The following DRD4 variants were observed in gnomAD, a reference collection of about 807,000 sequenced individuals.
DRD4 encodes D(4) dopamine receptor.
A neutral mutation model predicts 22.1 loss-of-function variants in DRD4; 26 were observed. That is an observed-to-expected ratio of 1.17 (90% CI 0.86 to 1.63). DRD4 has a LOEUF of 1.63. Ranked by LOEUF, DRD4 falls within the 40% of genes most tolerant of loss-of-function variation. The pLI is 0.00. For missense variants in DRD4, 913 were observed against 632.4 expected, an observed-to-expected ratio of 1.44 and a Z score of -4.76; for synonymous variants, 455 against 306.7, an observed-to-expected ratio of 1.48 and a Z score of -5.05.
At chr11:638,368 A>G (rs1242873155) in intron 1 of DRD4, among the ~76,000 whole-genome samples, 2 of 152,176 alleles carry the variant, frequency 1.3e-5, no homozygotes, top group Non-Finnish European at 2.9e-5. Context: ...AGAGACCAGC[A>G]GCACGGGACA....
At position 639,482 on chromosome 11, in the gene DRD4, T is replaced by TG; in HGVS notation, c.337dup (p.Ala113GlyfsTer337). On this transcript the variant is annotated frameshift_variant, in exon 2 of 4. Coordinates refer to ENST00000176183, the MANE Select transcript of DRD4 (RefSeq NM_000797.4). LOFTEE classifies it high-confidence loss of function. ...AGCCCCCGCCTGTGCGACGCCCTCA[T>TG]GGCCATGGACGTCATGCTGTGCACC... The TG allele has an allele frequency of 6.2e-7, 1 of 1,603,584 alleles. No homozygotes were observed. Among genetic ancestry groups the TG allele is most frequent in the Admixed American group, 1.7e-5 (1 of 59,934 alleles).
Position 640,601 on chromosome 11 carries a change from T to C in DRD4, c.1258T>C (p.Ter420ArgextTer?), listed in dbSNP as rs776995219. The C allele has an allele frequency of 4.4e-6, 7 of 1,599,128 alleles. No individual in the cohort carries two copies. In the African/African-American group the frequency reaches 6.7e-5, roughly 15 times the overall value. Residue 420 changes from the stop codon to arginine (R), a stop_lost, in exon 4 of 4, where the codon TGA (stop) becomes CGA (arginine). Transcript: ENST00000176183. ...VFRKALRACC* is the reference protein window; with the variant it reads ...VFRKALRACCR ...CCGCAAGGCCCTGCGTGCCTGCTGCTGAGCCGGGCACCCCCGGACGCCCCC... is the reference window on the plus strand; with the variant it reads ...CCGCAAGGCCCTGCGTGCCTGCTGCCGAGCCGGGCACCCCCGGACGCCCCC...
rs1858170303 is a variant in DRD4, at chr11:639,895, T to G, written c.646T>G (p.Phe216Val). The G allele has an allele frequency of 1.3e-6, 2 of 1,575,934 alleles. No homozygotes were observed. The highest frequency in any genetic ancestry group is 1.7e-6 in the Non-Finnish European group (2 of 1,169,054). Reference protein sequence around the residue: ...PLMLLLYWATFRGLQRWEVAR... With the variant: ...PLMLLLYWATVRGLQRWEVAR... ...CATGCTGCTGCTCTACTGGGCCACG[T>G]TCCGCGGCCTGCAGCGCTGGGAGGT... is the stretch of plus-strand genomic sequence containing the variant. The change falls in exon 3 of 4, where the codon TTC becomes GTC. Residue 216 changes from phenylalanine (F) to valine (V), a missense_variant. Phe to Val is a conservative substitution (Grantham distance 50). Transcript: ENST00000176183.
chr11:639,757 G>A lies in DRD4; in HGVS notation c.508G>A (p.Val170Ile), dbSNP rs375642150. ...WLLSAAVAAP[V>I]LCGLNDVRGR... is the part of the protein sequence containing the mutation. ...GCTGTCCGCGGCGGTGGCGGCGCCCGTACTGTGCGGCCTCAACGACGTGCG... is the reference window on the plus strand; with the variant it reads ...GCTGTCCGCGGCGGTGGCGGCGCCCATACTGTGCGGCCTCAACGACGTGCG... Residue 170 changes from valine (V) to isoleucine (I), a missense_variant, in exon 3 of 4, where the codon GTA becomes ATA. Physicochemically the swap from Val to Ile is conservative, Grantham distance 29. Transcript: ENST00000176183. The A allele has an allele frequency of 5.8e-6, 9 of 1,562,912 alleles. No homozygotes were observed. Among genetic ancestry groups the A allele is most frequent in the African/African-American group, 2.8e-5 (2 of 71,592 alleles).
At chr11:640,340 G>C (rs747346759) in intron 3 of DRD4, 34 bp downstream of exon 3, 5 of 1,520,704 alleles carry the variant, frequency 3.3e-6, no homozygotes, top group Non-Finnish European at 4.4e-6. Flanking sequence ...GGGAGGAGAG[G>C]AGGGGGGGGG....
chr11:637,649 C>T, intron 1 of DRD4, 60 bp downstream of exon 1: 1 of 1,534,672 alleles, frequency 6.5e-7, no homozygotes. Context: ...CGTCCCTGTC[C>T]CTACGGAGGA....
chr11:640,349 G>GA (rs746302362), intron 3 of DRD4, 43 bp downstream of exon 3: 418 of 1,506,082 alleles, frequency 2.8e-4, no homozygotes, highest in Middle Eastern at 6.8e-4. Flanking sequence ...GGAGGGGGGG[G>GA]GTACGAGGCC....
At chr11:638,273 G>C (rs1285601301) in intron 1 of DRD4, among the ~76,000 whole-genome samples, 5 of 152,218 alleles carry the variant, frequency 3.3e-5, no homozygotes, top group Non-Finnish European at 7.3e-5. Flanking sequence ...TTAGGGCTGA[G>C]CTGGAGACGC....
chr11:639,275 T>G (rs1332238075), intron 1 of DRD4, 158 bp from the exon 2 acceptor site: 3 of 675,630 alleles, frequency 4.4e-6, no homozygotes, highest in Admixed American at 4.5e-5. Flanking sequence ...GAGATCTGCG[T>G]GGGGAAGGGG....
chr11:639,852 C>T lies in DRD4; in HGVS notation c.603C>T (p.Phe201=), dbSNP rs199869206. The T allele has an allele frequency of 1.4e-4, 217 of 1,585,778 alleles. 4 individuals carry two copies. The highest frequency in any genetic ancestry group is 1.2e-3 in the East Asian group (52 of 44,104). Residue 201 remains phenylalanine, a synonymous_variant, in exon 3 of 4, where the codon TTC becomes TTT. Coordinates refer to ENST00000176183, the MANE Select transcript of DRD4 (RefSeq NM_000797.4). ...DYVVYSSVCS[F]FLPCPLMLLL... ...TGGTCTACTCGTCCGTGTGCTCCTTCTTCCTACCCTGCCCGCTCATGCTGC... is the reference window on the plus strand; with the variant it reads ...TGGTCTACTCGTCCGTGTGCTCCTTTTTCCTACCCTGCCCGCTCATGCTGC...
At chr11:637,667 C>T (rs1456735576) in intron 1 of DRD4, 78 bp downstream of exon 1, 124 of 1,531,662 alleles carry the variant, frequency 8.1e-5, no homozygotes, top group South Asian at 7.3e-4. Context: ...GGACCCGGCG[C>T]GACCCGGCCC....
chr11:637,466 C>T lies in DRD4; in HGVS notation c.162C>T (p.Leu54=), dbSNP rs535238096. The T allele has an allele frequency of 6.8e-5, 105 of 1,537,506 alleles. No individual in the cohort carries two copies. The highest frequency in any genetic ancestry group is 6.8e-4 in the East Asian group (28 of 41,080). Residue 54 remains leucine, a synonymous_variant, in exon 1 of 4, where the codon CTC becomes CTT. Transcript: ENST00000176183. The part of the protein sequence containing the change: ...LIGAVLAGNS[L]VCVSVATERA... ...GCGCGGTGCTCGCGGGGAACTCGCTCGTGTGCGTGAGCGTGGCCACCGAGC... is the reference window on the plus strand; with the variant it reads ...GCGCGGTGCTCGCGGGGAACTCGCTTGTGTGCGTGAGCGTGGCCACCGAGC...
intron 1 of DRD4, 172 bp from the exon 2 acceptor site, chr11:639,261 A>G: frequency 1.6e-6 from 1 of 644,936 alleles, no homozygotes; most frequent in African/African-American, 1.8e-5. Context: ...ACTCAAAACA[A>G]AGGGAGATCT....
Position 640,138 on chromosome 11 carries a change from C to A in DRD4, c.889C>A (p.Pro297Thr). ...CCCCTGCGGCCCCGACTGTGCGCCCCCCGCGCCCGGCCTCCCCCCGGACCC... is the reference window on the plus strand; with the variant it reads ...CCCCTGCGGCCCCGACTGTGCGCCCACCGCGCCCGGCCTCCCCCCGGACCC... Reference protein sequence around the residue: ...QDPCGPDCAPPAPGLPPDPCG... With the variant: ...QDPCGPDCAPTAPGLPPDPCG... The change falls in exon 3 of 4, where the codon CCC (proline) becomes ACC (threonine). Residue 297 changes from proline (P) to threonine (T), a missense_variant. By Grantham distance (38) the Pro-to-Thr change is conservative. Transcript: ENST00000176183. 1 of 1,442,728 alleles carries A rather than the reference C, an allele frequency of 6.9e-7. No homozygotes were observed. The highest frequency in any genetic ancestry group is 9.1e-7 in the Non-Finnish European group (1 of 1,094,350). The allele number at this position is 1,442,728 out of a possible 1,614,324, so 89.4% of individuals were successfully genotyped here.
chr11:639,614 G>T (rs1858156699), intron 2 of DRD4, 34 bp from the exon 3 acceptor site: 3 of 1,383,600 alleles, frequency 2.2e-6, no homozygotes, highest in East Asian at 3.4e-5. Flanking sequence ...CGCGGCCTGT[G>T]CGCTGTCCGG....
At position 639,968 on chromosome 11, in the gene DRD4, G is replaced by C. The variant is rs771071064; in HGVS notation, c.719G>C (p.Gly240Ala). The part of the protein sequence containing the change: ...LHGRAPRRPS[G>A]PGPPSPTPPA... ...GGCCGCGCGCCCCGCCGACCCAGCG[G>C]CCCTGGCCCGCCTTCCCCCACGCCA... The change falls in exon 3 of 4, where the codon GGC (glycine) becomes GCC (alanine). Residue 240 changes from glycine to alanine, a missense_variant. Physicochemically the swap from Gly to Ala is moderately conservative, Grantham distance 60. Coordinates refer to ENST00000176183, the MANE Select transcript of DRD4 (RefSeq NM_000797.4). The C allele has an allele frequency of 1.3e-5, 18 of 1,410,324 alleles. No individual in the cohort carries two copies. The highest frequency in any genetic ancestry group is 2.6e-4 in the Middle Eastern group (1 of 3,894). The allele number at this position is 1,410,324 out of a possible 1,614,324, so 87.4% of individuals were successfully genotyped here.
intron 2 of DRD4, 51 bp downstream of exon 2, chr11:639,596 GC>G: frequency 7.8e-7 from 1 of 1,285,726 alleles, no homozygotes; most frequent in South Asian, 2.2e-5. Context: ...CCCGCCCGCC[GC>G]CCTCACCGCG....
At position 640,397 on chromosome 11, in the gene DRD4, C is replaced by A; in HGVS notation, c.1058-4C>A. On this transcript the variant is annotated splice_region_variant and splice_polypyrimidine_tract_variant and intron_variant, in intron 3 of 3. Transcript: ENST00000176183. ...GGCGCTAACGCGGCTCTCGGCGCCC[C>A]CAGGGGCCTTCCTGCTGTGCTGGAC... 1 of 1,598,446 alleles carries A rather than the reference C, an allele frequency of 6.3e-7. No homozygotes were observed. The highest frequency in any genetic ancestry group is 1.3e-5 in the African/African-American group (1 of 75,036).
chr11:638,519 C>T (rs1177159063), intron 1 of DRD4, among the ~76,000 whole-genome samples: 1 of 152,188 alleles, frequency 6.6e-6, no homozygotes, highest in East Asian at 1.9e-4. Context: ...TGGAGTCCTA[C>T]GCTGGGCACT....
Sources: gnomAD v4.1 joint callset for allele counts (sites outside exome capture counted in the v4.1 genomes callset) on GRCh38, gnomAD v4.1.1 for gene constraint, MANE v1.5 for transcripts, NCBI Gene and HGNC (gene_info 2026-07-23, HGNC 2026-07-21) for gene names.